TENM1: variants seen among roughly 807,000 people sequenced by gnomAD.
TENM1 encodes the protein teneurin-1.
Under a neutral mutation model 174.8 loss-of-function variants are expected in TENM1, and 35 were observed. The observed-to-expected ratio is 0.20, with a 90% CI of 0.15 to 0.27. TENM1 has a LOEUF of 0.27. Ranked by LOEUF, TENM1 falls within the 10% of genes least tolerant of loss-of-function variation. The probability of loss-of-function intolerance (pLI) is 1.00; values close to 1 mark genes in which losing one functional copy is unlikely to be tolerated. For synonymous variants in TENM1, 781 were observed against 798.7 expected, an observed-to-expected ratio of 0.98 and a Z score of 0.37; for missense variants, 1,633 against 2,130.1, an observed-to-expected ratio of 0.77 and a Z score of 4.59.
At chrX:124,423,497 A>G (rs1481915398) in intron 23 of TENM1, among the ~76,000 whole-genome samples, 5 of 111,454 alleles carry the variant, frequency 4.5e-5, no homozygotes, top group African/African-American at 6.5e-5. Flanking sequence ...GAACCATTAG[A>G]CAATTACTCT....
intron 4 of TENM1, among the ~76,000 whole-genome samples, chrX:124,713,918 AAATC>A (rs1381651433): frequency 8.9e-6 from 1 of 112,471 alleles, no homozygotes; most frequent in Non-Finnish European, 1.9e-5. Context: ...TAAAATAAAT[AAATC>A]AAAGAAATAG....
the TENM1 span, among the ~76,000 whole-genome samples, chrX:125,116,430 T>G: frequency 8.9e-6 from 1 of 111,901 alleles, no homozygotes; most frequent in Non-Finnish European, 1.9e-5. Context: ...CAAAAGAAAC[T>G]ATCATCAGAG....
chrX:124,632,716 A>T (rs1010553607), intron 11 of TENM1, among the ~76,000 whole-genome samples: 4 of 111,663 alleles, frequency 3.6e-5, no homozygotes, highest in Non-Finnish European at 7.5e-5. Flanking sequence ...ATAAAAAAAA[A>T]CACTGGTATG....
chrX:125,197,521 G>A, the TENM1 span, among the ~76,000 whole-genome samples: 2 of 111,360 alleles, frequency 1.8e-5, no homozygotes, highest in African/African-American at 6.5e-5. Context: ...AGAGGAAATC[G>A]ACATGACAAA....
At chrX:124,883,874 T>C (rs1192078956) in intron 3 of TENM1, among the ~76,000 whole-genome samples, 3 of 111,145 alleles carry the variant, frequency 2.7e-5, no homozygotes, top group African/African-American at 9.9e-5. Context: ...TCCTGGACAA[T>C]GAGCTTGGAC....
chrX:124,417,192 T>C (rs1350153238), intron 25 of TENM1, among the ~76,000 whole-genome samples: 1 of 111,459 alleles, frequency 9.0e-6, no homozygotes, highest in Admixed American at 9.5e-5. Flanking sequence ...TTCCTCTTCA[T>C]ACCCTCAACT....
chrX:124,582,537 A>G (rs1441598065), intron 11 of TENM1, among the ~76,000 whole-genome samples: 1 of 111,771 alleles, frequency 8.9e-6, no homozygotes, highest in Admixed American at 9.5e-5. Flanking sequence ...CAGCTTGAAC[A>G]TTATTGGTAT....
At chrX:124,486,068 T>C (rs764589076) in intron 21 of TENM1, among the ~76,000 whole-genome samples, 1 of 112,030 alleles carries the variant, frequency 8.9e-6, no homozygotes, top group East Asian at 2.8e-4. Flanking sequence ...ATGTCATTTC[T>C]CAAGTGTACT....
chrX:124,635,302 A>C (rs1177911781), intron 11 of TENM1, among the ~76,000 whole-genome samples: 1 of 112,293 alleles, frequency 8.9e-6, no homozygotes, highest in Non-Finnish European at 1.9e-5. Context: ...TATCTTTCTG[A>C]TGGACAAGGT....
intron 20 of TENM1, among the ~76,000 whole-genome samples, chrX:124,492,534 A>G (rs892902077): frequency 9.0e-6 from 1 of 110,941 alleles, no homozygotes; most frequent in Non-Finnish European, 1.9e-5. Flanking sequence ...AATAAGAGCT[A>G]TATTAGCTTC....
the TENM1 span, among the ~76,000 whole-genome samples, chrX:125,125,101 T>C: frequency 8.9e-6 from 1 of 112,334 alleles, no homozygotes; most frequent in Non-Finnish European, 1.9e-5. Flanking sequence ...AAAATATAAA[T>C]GTCAAACTCA....
the TENM1 span, among the ~76,000 whole-genome samples, chrX:125,190,196 C>T: frequency 4.5e-5 from 5 of 111,763 alleles, no homozygotes; most frequent in Non-Finnish European, 9.4e-5. Flanking sequence ...GAGAACTTCT[C>T]GGTTTACATT....
chrX:124,735,945 C>T (rs929828093), intron 4 of TENM1, among the ~76,000 whole-genome samples: 1 of 110,963 alleles, frequency 9.0e-6, no homozygotes, highest in African/African-American at 3.3e-5. Context: ...GGAGGATGGG[C>T]GGGGAGTGAG....
At chrX:125,072,413 T>G in the TENM1 span, among the ~76,000 whole-genome samples, 1 of 111,873 alleles carries the variant, frequency 8.9e-6, no homozygotes, top group East Asian at 2.8e-4. Flanking sequence ...TCTACTGTAA[T>G]TTGTCGGTAA....
chrX:124,894,637 C>T (rs1431426805), intron 2 of TENM1, among the ~76,000 whole-genome samples: 1 of 111,569 alleles, frequency 9.0e-6, no homozygotes, highest in Non-Finnish European at 1.9e-5. Flanking sequence ...TAGCAGAGCC[C>T]AGTGGGGAAA....
At chrX:125,129,609 C>T in the TENM1 span, among the ~76,000 whole-genome samples, 2 of 108,871 alleles carry the variant, frequency 1.8e-5, no homozygotes, top group East Asian at 5.8e-4. Context: ...ATTACCTTTC[C>T]CAGCCTCTAG....
chrX:124,469,062 A>C (rs779330157), intron 22 of TENM1, among the ~76,000 whole-genome samples: 2 of 111,699 alleles, frequency 1.8e-5, no homozygotes, highest in Admixed American at 9.5e-5. Context: ...TTCTTCAGTC[A>C]AGCACCCTCT....
intron 5 of TENM1, among the ~76,000 whole-genome samples, chrX:124,698,887 G>C (rs751368371): frequency 1.1e-4 from 12 of 111,696 alleles, no homozygotes; most frequent in Non-Finnish European, 2.1e-4. Flanking sequence ...GATGCCACCT[G>C]TTAGTGTTGA....
chrX:125,059,227 T>C, the TENM1 span, among the ~76,000 whole-genome samples: 4 of 111,486 alleles, frequency 3.6e-5, no homozygotes, highest in Non-Finnish European at 7.5e-5. Context: ...TACAGATTTG[T>C]GATGATTTAT....
Sources: allele counts gnomAD v4.1 joint callset (sites outside exome capture counted in the v4.1 genomes callset), GRCh38; gene constraint gnomAD v4.1.1; transcripts MANE v1.5; gene names NCBI Gene and HGNC (gene_info 2026-07-23, HGNC 2026-07-21).